INPP5D: variants seen among roughly 807,000 people sequenced by gnomAD.
INPP5D encodes the protein inositol polyphosphate-5-phosphatase D, also known as phosphatidylinositol 3,4,5-trisphosphate 5-phosphatase 1.
In INPP5D, 33 loss-of-function variants were observed where a neutral mutation model predicts 122.9. That is an observed-to-expected ratio of 0.27 (90% confidence interval 0.20 to 0.36). The LOEUF (loss-of-function observed/expected upper bound fraction) is 0.36, where lower values mean the gene tolerates loss of function less well. Among genes scored for constraint, INPP5D ranks in the 10% least tolerant of loss-of-function variants. The pLI, the probability that INPP5D is intolerant of heterozygous loss-of-function variation, is 1.00. For missense variants in INPP5D, 1,053 were observed against 1,412.7 expected, an observed-to-expected ratio of 0.75 and a Z score of 4.08; for synonymous variants, 584 against 576.2, an observed-to-expected ratio of 1.01 and a Z score of -0.19.
At chr2:233,194,162 C>T (rs72972274) in intron 23 of INPP5D, among the ~76,000 whole-genome samples, 7,251 of 152,214 alleles carry the variant, frequency 0.048, 240 homozygotes, top group Non-Finnish European at 0.061. Context: ...ATCCAGCACC[C>T]CCAGATCACC....
rs1695208654 is a variant in INPP5D at position 233,197,242 on chromosome 2, GGGGCCACCTTGCCT to G, written c.2694-849_2694-836del. The stretch of plus-strand genomic sequence containing the variant: ...AGTGGCAGCGTGCAGTGTGTCTGTT[GGGGCCACCTTGCCT>G]GGGTCTGGGCCATCCCCTCCATAGC... On this transcript the variant is annotated intron_variant, in intron 24 of 26. Transcript: ENST00000445964. This position sits in a 1 kb window ranked among gnomAD's most constrained non-coding sequence, Gnocchi z 4.4. 1.3e-5 allele frequency among the ~76,000 whole-genome samples: 2 copies of G among 152,264 alleles called. No homozygotes were observed. Among genetic ancestry groups the G allele is most frequent in the South Asian group, 4.1e-4 (2 of 4,824 alleles).
intron 24 of INPP5D, among the ~76,000 whole-genome samples, 188 bp downstream of exon 24, chr2:233,195,683 C>CA (rs996915448): frequency 2.6e-5 from 4 of 151,868 alleles, no homozygotes; most frequent in African/African-American, 4.8e-5. Flanking sequence ...CCTGTCTCTA[C>CA]AAAAAAAATG....
At chr2:233,120,084 T>C (rs1692924923) in intron 2 of INPP5D, among the ~76,000 whole-genome samples, 1 of 152,208 alleles carries the variant, frequency 6.6e-6, no homozygotes, top group Non-Finnish European at 1.5e-5. Context: ...CTACAGGCGA[T>C]GGGTCCCATT....
rs1234233036 is a variant in INPP5D at position 233,105,658 on chromosome 2, C to T, written c.199-16449C>T. Among the ~76,000 whole-genome samples, 5 of 152,190 alleles carry T rather than the reference C, an allele frequency of 3.3e-5. No homozygotes were observed. Among genetic ancestry groups the T allele is most frequent in the East Asian group, 1.9e-4 (1 of 5,190 alleles). The stretch of plus-strand genomic sequence containing the variant: ...AGGGTAAGAGGGTAGTGACCGCAAG[C>T]GGGCCGCCTGCTGGCTGCTGCACCA... On this transcript the variant is annotated intron_variant, in intron 2 of 26. Coordinates refer to ENST00000445964, the MANE Select transcript of INPP5D (RefSeq NM_001017915.3). This position sits in a 1 kb window ranked among gnomAD's most constrained non-coding sequence, Gnocchi z 4.0.
At chr2:233,074,129 C>A (rs1166672311) in intron 1 of INPP5D, among the ~76,000 whole-genome samples, 4 of 152,162 alleles carry the variant, frequency 2.6e-5, no homozygotes, top group East Asian at 1.9e-4. Flanking sequence ...CTGTCGAGAA[C>A]AATTGGATCA....
chr2:233,166,415 G>A (rs770769707), intron 13 of INPP5D, among the ~76,000 whole-genome samples: 5 of 152,220 alleles, frequency 3.3e-5, no homozygotes, highest in Non-Finnish European at 5.9e-5. Context: ...GCCAGTTCCT[G>A]GGAGGGAGTG....
intron 9 of INPP5D, among the ~76,000 whole-genome samples, chr2:233,154,116 G>C (rs899072620): frequency 1.3e-5 from 2 of 152,012 alleles, no homozygotes; most frequent in Non-Finnish European, 2.9e-5. Flanking sequence ...AGGAAACAGG[G>C]GACACAAAGA....
intron 21 of INPP5D, among the ~76,000 whole-genome samples, chr2:233,187,093 A>T (rs948684533): frequency 1.3e-5 from 2 of 151,802 alleles, no homozygotes; most frequent in African/African-American, 4.8e-5. Context: ...CTGAGGCGGG[A>T]GGATAACCTG....
At chr2:233,118,937 G>T (rs1461753236) in intron 2 of INPP5D, among the ~76,000 whole-genome samples, 4 of 152,244 alleles carry the variant, frequency 2.6e-5, no homozygotes, top group Non-Finnish European at 5.9e-5. Flanking sequence ...GCCTCTGGGA[G>T]CGGGCCAGGC....
At chr2:233,156,598 G>A (rs1048683097) in intron 9 of INPP5D, among the ~76,000 whole-genome samples, 2 of 152,094 alleles carry the variant, frequency 1.3e-5, no homozygotes, top group African/African-American at 2.4e-5. Context: ...CCTGGCCCAC[G>A]CTTCCTTCTA....
intron 9 of INPP5D, among the ~76,000 whole-genome samples, chr2:233,155,125 G>C (rs781661915): frequency 1.6e-4 from 25 of 152,108 alleles, no homozygotes; most frequent in Admixed American, 3.3e-4. Flanking sequence ...AGTGAAAAAG[G>C]ATGAGGAGAA....
At position 233,170,686 on chromosome 2, in the gene INPP5D, G is replaced by A. The variant is rs371923114; in HGVS notation, c.1900+82G>A. 1.8e-4 allele frequency: 271 copies of A among 1,529,080 alleles called. 1 individual carries two copies. The African/African-American group carries it at 3.0e-3, about 17-fold the overall frequency. The allele number at this position is 1,529,080 out of a possible 1,614,324, so 94.7% of individuals were successfully genotyped here. ...TAGGAGGCCGAGGCGGGCGGATCAC[G>A]AGATCAGGAGATGGAGACCATCCTG... is the stretch of plus-strand genomic sequence containing the variant. On this transcript the variant is annotated intron_variant, in intron 16 of 26. Transcript: ENST00000445964. This position sits in a 1 kb window ranked among gnomAD's most constrained non-coding sequence, Gnocchi z 4.5.
At position 233,100,197 on chromosome 2, in the gene INPP5D, C is replaced by T. The variant is rs140591587; in HGVS notation, c.198+20799C>T. On this transcript the variant is annotated intron_variant, in intron 2 of 26. Transcript: ENST00000445964. This position sits in a 1 kb window ranked among gnomAD's most constrained non-coding sequence, Gnocchi z 5.3. ...CTTTGATGTGTCACCATCCCCACCT[C>T]GCCCTGTCGCCTCACTCGCAGCCTG... 1.5e-4 allele frequency among the ~76,000 whole-genome samples: 23 copies of T among 152,296 alleles called. No homozygotes were observed. The highest frequency in any genetic ancestry group is 6.2e-4 in the South Asian group (3 of 4,816).
chr2:233,127,618 T>C (rs1693199796), intron 4 of INPP5D, among the ~76,000 whole-genome samples: 1 of 152,226 alleles, frequency 6.6e-6, no homozygotes, highest in Admixed American at 6.5e-5. Context: ...CAACAAACTT[T>C]TATTTTTGAG....
Position 233,170,413 on chromosome 2 carries a change from G to A in INPP5D, c.1792-83G>A. 6.3e-7 allele frequency: 1 copy of A among 1,580,874 alleles called. No individual in the cohort carries two copies. The highest frequency in any genetic ancestry group is 8.6e-7 in the Non-Finnish European group (1 of 1,162,878). ...ATCACTCTGCAGCCCGGGTCATCCA[G>A]CTGCCCGCCCCCAGCCCCGAAGCTT... is the stretch of plus-strand genomic sequence containing the variant. On this transcript the variant is annotated intron_variant, in intron 15 of 26. Coordinates refer to ENST00000445964, the MANE Select transcript of INPP5D (RefSeq NM_001017915.3). The surrounding 1 kb of genome is among the most constrained non-coding windows in gnomAD (Gnocchi z 4.5).
intron 2 of INPP5D, among the ~76,000 whole-genome samples, chr2:233,088,202 T>C (rs1426872822): frequency 6.6e-6 from 1 of 151,924 alleles, no homozygotes; most frequent in Non-Finnish European, 1.5e-5. Flanking sequence ...GTCTCAAACT[T>C]CTGACCTTGT....
chr2:233,099,012 T>TG (rs1308911964), intron 2 of INPP5D, among the ~76,000 whole-genome samples: 4 of 151,712 alleles, frequency 2.6e-5, no homozygotes, highest in Admixed American at 1.3e-4. Context: ...AGGGCAGTGG[T>TG]GCGATCTTGG....
In INPP5D at chr2:233,127,823, G is replaced by A. The variant is rs113059328; in HGVS notation, c.524+1904G>A. ...GGGTTTCTCCATGTTGGTTAGGCTA[G>A]TCTCGAACTCCCAACCTGAGGTGAT... On this transcript the variant is annotated intron_variant, in intron 4 of 26. Coordinates refer to ENST00000445964, the MANE Select transcript of INPP5D (RefSeq NM_001017915.3). 9.2e-3 allele frequency among the ~76,000 whole-genome samples: 1,404 copies of A among 152,304 alleles called. 7 individuals carry two copies. The highest frequency in any genetic ancestry group is 0.013 in the African/African-American group (532 of 41,572).
intron 2 of INPP5D, among the ~76,000 whole-genome samples, chr2:233,104,063 T>C (rs1393310967): frequency 7.4e-6 from 1 of 135,906 alleles, no homozygotes; most frequent in African/African-American, 2.9e-5. Flanking sequence ...CAGGCTGGAG[T>C]GTAGTGGTGT....
Sources: allele counts gnomAD v4.1 joint callset (sites outside exome capture counted in the v4.1 genomes callset), GRCh38; gene constraint gnomAD v4.1.1; non-coding constraint Gnocchi (gnomAD v3.1); transcripts MANE v1.5; gene names NCBI Gene and HGNC (gene_info 2026-07-23, HGNC 2026-07-21).